Variants in NXN observed in about 807,000 individuals in gnomAD.
NXN encodes the protein nucleoredoxin, also known as nucleoredoxin 1.
A neutral mutation model predicts 48.6 loss-of-function variants in NXN; 16 were observed. That is an observed-to-expected ratio of 0.33 (90% CI 0.22 to 0.50). The LOEUF is 0.50. Among genes scored for constraint, NXN ranks in the 20% least tolerant of loss-of-function variants. The pLI, the probability that NXN is intolerant of heterozygous loss-of-function variation, is 0.98. For missense variants in NXN, 492 were observed against 605.5 expected, an observed-to-expected ratio of 0.81 and a Z score of 1.97; for synonymous variants, 281 against 269.6, an observed-to-expected ratio of 1.04 and a Z score of -0.41.
rs56343681 is a variant in NXN, at chr17:800,961, C to T, written c.1296G>A (p.Pro432=). ...VNDFLAEKLK[P]EPI ...GGCCGGAGCCACGCTAGATGGGCTC[C>T]GGTTTGAGCTTCTCTGCTAGGAAGT... The change falls in exon 8 of 8, where the codon CCG becomes CCA. Residue 432 remains proline (P), a synonymous_variant. Coordinates refer to ENST00000336868, the MANE Select transcript of NXN (RefSeq NM_022463.5). The T allele has an allele frequency of 0.021, 31,009 of 1,481,678 alleles. 390 individuals are homozygous for T. Among genetic ancestry groups the T allele is most frequent in the Non-Finnish European group, 0.025 (27,521 of 1,108,104 alleles). The allele number at this position is 1,481,678 out of a possible 1,614,324, so 91.8% of individuals were successfully genotyped here.
intron 1 of NXN, among the ~76,000 whole-genome samples, chr17:864,794 G>A (rs1377593884): frequency 2.0e-5 from 3 of 152,166 alleles, no homozygotes; most frequent in Non-Finnish European, 4.4e-5. Context: ...GTAAAGTTAA[G>A]GAAGCTGCTG....
chr17:814,834 C>G (rs1239525952), intron 5 of NXN, among the ~76,000 whole-genome samples: 1 of 151,446 alleles, frequency 6.6e-6, no homozygotes, highest in Non-Finnish European at 1.5e-5. Context: ...GGTGTGATCT[C>G]GGCTCACTAC....
chr17:829,353 C>A (rs1288850644), intron 1 of NXN, among the ~76,000 whole-genome samples: 1 of 151,970 alleles, frequency 6.6e-6, no homozygotes, highest in Non-Finnish European at 1.5e-5. Context: ...TCGGGTTTCA[C>A]CACATTGGCC....
intron 1 of NXN, among the ~76,000 whole-genome samples, chr17:904,799 C>T (rs2068568584): frequency 6.6e-6 from 1 of 152,202 alleles, no homozygotes; most frequent in African/African-American, 2.4e-5. Flanking sequence ...CCACCTCGGC[C>T]TCCCAAAGTG....
At chr17:810,129 C>T (rs113395801) in intron 5 of NXN, among the ~76,000 whole-genome samples, 5,214 of 91,206 alleles carry the variant, frequency 0.057, 252 homozygotes, top group East Asian at 0.099. Context: ...GTGTGAGTGG[C>T]GTGCACGTTA....
intron 5 of NXN, 128 bp downstream of exon 5, chr17:819,311 A>C (rs1036538498): frequency 2.7e-6 from 2 of 735,566 alleles, no homozygotes; most frequent in African/African-American, 3.5e-5. Context: ...CTGCTGAGAA[A>C]CATGAAAGGC....
chr17:812,699 T>C (rs1281367338), intron 5 of NXN, among the ~76,000 whole-genome samples: 2 of 150,802 alleles, frequency 1.3e-5, no homozygotes, highest in Admixed American at 6.6e-5. Context: ...CATATGAATG[T>C]AGGTGTTTGC....
rs369939906 is a variant in NXN at position 803,882 on chromosome 17, G to T, written c.1001-76C>A. ...GTCAAACAGAGCGGCACCCGCCGAG[G>T]GGGCCTGAGCTGCAGAAACGCCCGC... On this transcript the variant is annotated intron_variant, in intron 6 of 7. Transcript: ENST00000336868. 3 of 1,592,000 alleles carry T rather than the reference G, an allele frequency of 1.9e-6. No homozygotes were observed. In the African/African-American group the frequency reaches 4.0e-5, roughly 21 times the overall value.
At chr17:812,671 T>TGAGTGTAGGTGTGTGC (rs57593519) in intron 5 of NXN, among the ~76,000 whole-genome samples, 25,000 of 149,162 alleles carry the variant, frequency 0.17, 2,275 homozygotes, top group East Asian at 0.3. Context: ...TAGGTGTGTG[T>TGAGTGTAGGTGTGTGC]GAGTGTAGGT....
intron 1 of NXN, among the ~76,000 whole-genome samples, chr17:927,042 G>A (rs113979347): frequency 3.3e-5 from 5 of 151,906 alleles, no homozygotes; most frequent in Non-Finnish European, 5.9e-5. Context: ...GGCCAGGTGC[G>A]GTGGCTCACG....
chr17:857,971 CTTT>C (rs57517105), intron 1 of NXN, among the ~76,000 whole-genome samples: 8 of 140,648 alleles, frequency 5.7e-5, no homozygotes, highest in Non-Finnish European at 3.1e-5. Context: ...AGATATAAAT[CTTT>C]TTTTTTTTTT....
intron 1 of NXN, among the ~76,000 whole-genome samples, chr17:892,504 G>C (rs967841666): frequency 9.9e-5 from 15 of 152,078 alleles, no homozygotes; most frequent in African/African-American, 3.6e-4. Flanking sequence ...CAAACACCAG[G>C]TTTCCAGCAC....
intron 1 of NXN, among the ~76,000 whole-genome samples, chr17:922,260 G>A (rs1034315816): frequency 1.3e-5 from 2 of 152,042 alleles, no homozygotes; most frequent in African/African-American, 2.4e-5. Flanking sequence ...TGGCCAACAC[G>A]GTGAAACCTC....
chr17:972,828 G>A (rs549889044), intron 1 of NXN, among the ~76,000 whole-genome samples: 4 of 152,144 alleles, frequency 2.6e-5, no homozygotes, highest in Non-Finnish European at 5.9e-5. Flanking sequence ...TCAGGAGATC[G>A]AGACCATCAT....
chr17:945,666 A>AGT (rs1218077621), intron 1 of NXN, among the ~76,000 whole-genome samples: 1 of 151,320 alleles, frequency 6.6e-6, no homozygotes, highest in African/African-American at 2.4e-5. Flanking sequence ...CAGATGACAG[A>AGT]GTTAGATGTT....
At chr17:889,918 G>A (rs1429293469) in intron 1 of NXN, among the ~76,000 whole-genome samples, 1 of 152,076 alleles carries the variant, frequency 6.6e-6, no homozygotes, top group African/African-American at 2.4e-5. Context: ...TTTTCCCTTC[G>A]CTCCCCCAAC....
intron 1 of NXN, among the ~76,000 whole-genome samples, chr17:841,722 A>ACCACAGCGCATCTCACGCCGG (rs1914333027): frequency 6.6e-6 from 1 of 151,242 alleles, no homozygotes; most frequent in Non-Finnish European, 1.5e-5. Context: ...GTCCACCCTG[A>ACCACAGCGCATCTCACGCCGG]CAAAGGAAAG....
At chr17:912,935 CAG>C (rs2068651079) in intron 1 of NXN, among the ~76,000 whole-genome samples, 1 of 151,450 alleles carries the variant, frequency 6.6e-6, no homozygotes, top group African/African-American at 2.4e-5. Flanking sequence ...GCCTGGGCGA[CAG>C]AGTGAAACAA....
At chr17:935,886 A>C (rs768153352) in intron 1 of NXN, among the ~76,000 whole-genome samples, 2 of 152,032 alleles carry the variant, frequency 1.3e-5, no homozygotes, top group Admixed American at 6.6e-5. Context: ...TGAGGTCGGG[A>C]GTTTAAGACC....
Sources: gnomAD v4.1 joint callset for allele counts (sites outside exome capture counted in the v4.1 genomes callset) on GRCh38, gnomAD v4.1.1 for gene constraint, MANE v1.5 for transcripts, NCBI Gene and HGNC (gene_info 2026-07-23, HGNC 2026-07-21) for gene names.